The following TOX variants were observed in gnomAD, a reference collection of about 807,000 sequenced individuals.
The protein encoded by TOX is thymocyte selection-associated high mobility group box protein TOX.
TOX carries 11 observed loss-of-function variants against 53.7 expected under a neutral mutation model. The observed-to-expected ratio is 0.20, with a 90% CI of 0.13 to 0.34. TOX has a LOEUF of 0.34. TOX is among the 10% of genes least tolerant of loss of function. TOX has a pLI of 1.00. For synonymous variants in TOX, 225 were observed against 245.3 expected, an observed-to-expected ratio of 0.92 and a Z score of 0.77; for missense variants, 570 against 664.6, an observed-to-expected ratio of 0.86 and a Z score of 1.56.
intron 1 of TOX, among the ~76,000 whole-genome samples, chr8:59,103,388 G>A (rs1429926473): frequency 1.3e-5 from 2 of 152,108 alleles, no homozygotes; most frequent in Non-Finnish European, 2.9e-5. Flanking sequence ...CGTCTCCTAG[G>A]AGCAAAGAAC....
rs1343706654 is a variant in TOX at position 58,806,725 on chromosome 8, T to G, written c.*1022A>C. Reference sequence around the variant, plus strand: ...ATAAAGTATTCACACCAAGCGTGAATTTTTTTTTGCCAGCAAAAGTTAAAA... The same window carrying G: ...ATAAAGTATTCACACCAAGCGTGAAGTTTTTTTTGCCAGCAAAAGTTAAAA... On this transcript the variant is annotated 3_prime_UTR_variant, in exon 9 of 9. Coordinates refer to ENST00000361421, the MANE Select transcript of TOX (RefSeq NM_014729.3). 6 of 151,768 alleles carry G rather than the reference T, an allele frequency of 4.0e-5. No homozygotes were observed. Among genetic ancestry groups the G allele is most frequent in the African/African-American group, 1.5e-4 (6 of 41,070 alleles). The allele number at this position is 151,768 out of a possible 1,614,324, so 9.4% of individuals were successfully genotyped here.
intron 1 of TOX, among the ~76,000 whole-genome samples, chr8:58,990,226 G>A (rs1265359784): frequency 6.6e-6 from 1 of 152,110 alleles, no homozygotes; most frequent in Non-Finnish European, 1.5e-5. Context: ...AGATAGCAAG[G>A]TAAGGAGCTG....
intron 7 of TOX, 73 bp downstream of exon 7, chr8:58,815,265 C>T: frequency 2.0e-6 from 3 of 1,508,236 alleles, no homozygotes; most frequent in East Asian, 4.6e-5. Flanking sequence ...CCTGGATAAA[C>T]AGCTCCCCCC....
intron 3 of TOX, among the ~76,000 whole-genome samples, chr8:58,926,574 T>C (rs1016747130): frequency 1.3e-5 from 2 of 152,236 alleles, no homozygotes; most frequent in Non-Finnish European, 2.9e-5. Flanking sequence ...AGGAATTTAA[T>C]AAAGAGAGGT....
intron 2 of TOX, among the ~76,000 whole-genome samples, chr8:58,956,169 T>A (rs1249026715): frequency 6.6e-6 from 1 of 152,228 alleles, no homozygotes; most frequent in Admixed American, 6.5e-5. Flanking sequence ...AGACTTCTGC[T>A]TCTTTTGACG....
At chr8:58,998,569 ATG>A (rs1263685753) in intron 1 of TOX, among the ~76,000 whole-genome samples, 2 of 11,184 alleles carry the variant, frequency 1.8e-4, no homozygotes, top group Non-Finnish European at 4.9e-4. Flanking sequence ...TATGTAATAA[ATG>A]TATATATAAT....
At chr8:58,876,403 T>G (rs1474013848) in intron 3 of TOX, among the ~76,000 whole-genome samples, 1 of 152,174 alleles carries the variant, frequency 6.6e-6, no homozygotes, top group African/African-American at 2.4e-5. Context: ...ATACTTTGGA[T>G]GGAATGCACT....
chr8:59,012,045 C>G (rs1321083123), intron 1 of TOX, among the ~76,000 whole-genome samples: 1 of 152,106 alleles, frequency 6.6e-6, no homozygotes, highest in African/African-American at 2.4e-5. Flanking sequence ...CAAGACCACC[C>G]TGGAGGCATT....
chr8:58,927,318 T>C (rs896423240), intron 3 of TOX, among the ~76,000 whole-genome samples: 3 of 152,168 alleles, frequency 2.0e-5, no homozygotes, highest in African/African-American at 7.2e-5. Flanking sequence ...GGAGAGAGAC[T>C]GAGAGACAGA....
chr8:58,877,845 A>G (rs1811311511), intron 3 of TOX, among the ~76,000 whole-genome samples: 1 of 147,128 alleles, frequency 6.8e-6, no homozygotes, highest in East Asian at 2.0e-4. Flanking sequence ...ATATTTGGAG[A>G]AAGCCTACAT....
chr8:59,080,824 G>C lies in TOX; in HGVS notation c.102+38062C>G, dbSNP rs191952768. The stretch of plus-strand genomic sequence containing the variant: ...GTAAGCTTCCTGAGGTCCCTACCAG[G>C]CTTCCTGTACAGCCTGCAGAACTGG... On this transcript the variant is annotated intron_variant, in intron 1 of 8. Coordinates refer to ENST00000361421, the MANE Select transcript of TOX (RefSeq NM_014729.3). 2.2e-3 allele frequency among the ~76,000 whole-genome samples: 330 copies of C among 152,196 alleles called. 1 individual carries two copies. Among genetic ancestry groups the C allele is most frequent in the African/African-American group, 6.7e-3 (278 of 41,498 alleles).
At chr8:59,052,288 C>T (rs1318182004) in intron 1 of TOX, among the ~76,000 whole-genome samples, 1 of 152,070 alleles carries the variant, frequency 6.6e-6, no homozygotes, top group Non-Finnish European at 1.5e-5. Flanking sequence ...ATATTGACTT[C>T]CAATTTACTA....
chr8:58,994,426 G>A (rs528086534), intron 1 of TOX, among the ~76,000 whole-genome samples: 45 of 151,494 alleles, frequency 3.0e-4, no homozygotes, highest in African/African-American at 5.3e-4. Context: ...GTGTGCGCGC[G>A]CGCATGTGTG....
At position 59,102,958 on chromosome 8, in the gene TOX, G is replaced by A. The variant is rs537382801; in HGVS notation, c.102+15928C>T. Among the ~76,000 whole-genome samples, 5 of 151,870 alleles carry A rather than the reference G, an allele frequency of 3.3e-5. No homozygotes were observed. The South Asian group carries it at 8.3e-4, about 25-fold the overall frequency. On this transcript the variant is annotated intron_variant, in intron 1 of 8. Coordinates refer to ENST00000361421, the MANE Select transcript of TOX (RefSeq NM_014729.3). ...TCCTTTTCTTGAATTTTCCAAATTC[G>A]CTTCATGTTAGGTTTTCTATTAATG...
At chr8:58,943,010 G>A (rs1028677745) in intron 2 of TOX, among the ~76,000 whole-genome samples, 16 of 152,202 alleles carry the variant, frequency 1.1e-4, no homozygotes, top group African/African-American at 3.9e-4. Context: ...GCAGAACTGT[G>A]AGCCACCTAA....
At chr8:58,971,093 AC>A (rs1257108375) in intron 1 of TOX, among the ~76,000 whole-genome samples, 1 of 152,090 alleles carries the variant, frequency 6.6e-6, no homozygotes, top group East Asian at 1.9e-4. Context: ...CAAGTCCTTA[AC>A]CTCCTCCTTG....
intron 1 of TOX, among the ~76,000 whole-genome samples, chr8:58,988,224 G>A (rs1042157895): frequency 5.9e-5 from 9 of 152,272 alleles, no homozygotes; most frequent in Non-Finnish European, 1.5e-5. Context: ...TGCCAAAAAA[G>A]CACAGATTTC....
rs1371411963 is a variant in TOX, at chr8:58,807,077, G to C, written c.*670C>G. 1 of 152,454 alleles carries C rather than the reference G, an allele frequency of 6.6e-6. No individual in the cohort carries two copies. Among genetic ancestry groups the C allele is most frequent in the Non-Finnish European group, 1.5e-5 (1 of 67,990 alleles). 9.4% of individuals were successfully genotyped at this position (152,454 alleles called of 1,614,324 possible). On this transcript the variant is annotated 3_prime_UTR_variant, in exon 9 of 9. Coordinates refer to ENST00000361421, the MANE Select transcript of TOX (RefSeq NM_014729.3). ...TGTGTTTGCGCTTCCCTTAATACTAGTTTCTTTTTGTCTGATCAATGAGAC... is the reference window on the plus strand; with the variant it reads ...TGTGTTTGCGCTTCCCTTAATACTACTTTCTTTTTGTCTGATCAATGAGAC...
chr8:58,951,045 C>G (rs187294483), intron 2 of TOX, among the ~76,000 whole-genome samples: 2 of 152,170 alleles, frequency 1.3e-5, no homozygotes, highest in Non-Finnish European at 2.9e-5. Flanking sequence ...TTCTCACACA[C>G]GTAACACATT....
Sources: allele counts gnomAD v4.1 joint callset (sites outside exome capture counted in the v4.1 genomes callset), GRCh38; gene constraint gnomAD v4.1.1; transcripts MANE v1.5; gene names NCBI Gene and HGNC (gene_info 2026-07-23, HGNC 2026-07-21).